The following BMP5 variants were observed in gnomAD, a reference collection of about 807,000 sequenced individuals.
BMP5 encodes bone morphogenetic protein 5.
In BMP5, 23 loss-of-function variants were observed where a neutral mutation model predicts 46.6. The ratio of observed to expected loss-of-function variants is 0.49; its 90% CI spans 0.35 to 0.70. BMP5 has a LOEUF of 0.70. Among genes scored for constraint, BMP5 ranks in the 30% least tolerant of loss-of-function variants. BMP5 has a pLI of 0.00. For synonymous variants in BMP5, 204 were observed against 191.9 expected, an observed-to-expected ratio of 1.06 and a Z score of -0.52; for missense variants, 545 against 565.6, an observed-to-expected ratio of 0.96 and a Z score of 0.37.
At chr6:55,766,884 G>A (rs1159309300) in intron 4 of BMP5, among the ~76,000 whole-genome samples, 4 of 151,868 alleles carry the variant, frequency 2.6e-5, no homozygotes, top group Non-Finnish European at 5.9e-5. Context: ...ATCCATGTCT[G>A]TTAATTCTAG....
At chr6:55,773,750 G>GTCATGTAGC (rs1775101361) in intron 4 of BMP5, among the ~76,000 whole-genome samples, 1 of 151,904 alleles carries the variant, frequency 6.6e-6, no homozygotes, top group African/African-American at 2.4e-5. Context: ...AGCTCAGCAA[G>GTCATGTAGC]TCATGTAGCT....
intron 1 of BMP5, among the ~76,000 whole-genome samples, chr6:55,871,165 C>T (rs1035649368): frequency 2.0e-5 from 3 of 151,658 alleles, no homozygotes; most frequent in Admixed American, 6.6e-5. Flanking sequence ...TTAACTTGTA[C>T]TGGTATTTAA....
intron 4 of BMP5, among the ~76,000 whole-genome samples, chr6:55,768,669 T>C (rs1774975084): frequency 2.0e-5 from 3 of 152,048 alleles, no homozygotes; most frequent in South Asian, 4.1e-4. Context: ...ACTACATGAT[T>C]GGATTATTTT....
intron 4 of BMP5, among the ~76,000 whole-genome samples, chr6:55,762,155 T>A (rs1278546214): frequency 6.6e-6 from 1 of 152,146 alleles, no homozygotes; most frequent in African/African-American, 2.4e-5. Flanking sequence ...TTCATTCTTG[T>A]CTTGTGTTGG....
chr6:55,786,176 T>A (rs887348028), intron 3 of BMP5, among the ~76,000 whole-genome samples: 4 of 151,698 alleles, frequency 2.6e-5, no homozygotes. Flanking sequence ...ATGTAACTGT[T>A]TAATACCAGC....
At chr6:55,806,406 C>T (rs748818943) in intron 2 of BMP5, among the ~76,000 whole-genome samples, 1 of 152,106 alleles carries the variant, frequency 6.6e-6, no homozygotes, top group South Asian at 2.1e-4. Flanking sequence ...TCTGAGGTCT[C>T]TGTTCTTTTT....
intron 2 of BMP5, among the ~76,000 whole-genome samples, chr6:55,795,665 C>T (rs984283275): frequency 6.6e-6 from 1 of 151,930 alleles, no homozygotes; most frequent in Admixed American, 6.6e-5. Flanking sequence ...ACTACATCTT[C>T]GTTTCTTAAC....
chr6:55,850,123 G>T (rs1256198190), intron 1 of BMP5, among the ~76,000 whole-genome samples: 1 of 152,058 alleles, frequency 6.6e-6, no homozygotes, highest in East Asian at 1.9e-4. Flanking sequence ...AATCTCAGGT[G>T]TCATCTACAA....
intron 3 of BMP5, among the ~76,000 whole-genome samples, chr6:55,790,210 A>C (rs926821707): frequency 3.3e-5 from 5 of 152,200 alleles, no homozygotes; most frequent in African/African-American, 1.2e-4. Flanking sequence ...TTAGTTACTA[A>C]TTCCAAAACT....
At chr6:55,859,945 A>G (rs1777490145) in intron 1 of BMP5, among the ~76,000 whole-genome samples, 1 of 152,230 alleles carries the variant, frequency 6.6e-6, no homozygotes, top group African/African-American at 2.4e-5. Context: ...TGCATAGTTC[A>G]AATTTATTTG....
chr6:55,786,475 CT>C (rs540586366), intron 3 of BMP5, among the ~76,000 whole-genome samples: 6 of 150,740 alleles, frequency 4.0e-5, no homozygotes, highest in Non-Finnish European at 5.9e-5. Flanking sequence ...ATTATTCAGG[CT>C]TTTTTTTTCT....
intron 2 of BMP5, among the ~76,000 whole-genome samples, chr6:55,801,324 C>T (rs531730581): frequency 2.0e-5 from 3 of 152,294 alleles, no homozygotes; most frequent in Middle Eastern, 6.8e-3. Context: ...CATGCAGCTC[C>T]TTCAGATCCC....
chr6:55,774,066 C>A lies in BMP5; in HGVS notation c.1010G>T (p.Arg337Ile). ...ATTCTTACCTCCAACACTGGACATT[C>A]TGGAGGAGTCCTGATGAGAGCTGGA... The part of the protein sequence containing the change: ...NKSSSHQDSS[R>I]MSSVGDYNTS... Residue 337 changes from arginine to isoleucine, a missense_variant, in exon 4 of 7, where the codon AGA becomes ATA. Physicochemically the swap from Arg to Ile is moderately conservative, Grantham distance 97. Transcript: ENST00000370830. 1 of 1,612,682 alleles carries A rather than the reference C, an allele frequency of 6.2e-7. No homozygotes were observed. The highest frequency in any genetic ancestry group is 1.1e-5 in the South Asian group (1 of 91,056).
intron 3 of BMP5, among the ~76,000 whole-genome samples, chr6:55,787,582 T>C (rs956222674): frequency 3.3e-5 from 5 of 151,596 alleles, no homozygotes; most frequent in Non-Finnish European, 7.4e-5. Context: ...CAGGTAGGAA[T>C]GAAAAACAAC....
At chr6:55,817,079 T>A (rs1776289217) in intron 2 of BMP5, among the ~76,000 whole-genome samples, 1 of 151,980 alleles carries the variant, frequency 6.6e-6, no homozygotes, top group African/African-American at 2.4e-5. Context: ...AGAATGGCAA[T>A]CATTAAAAAG....
intron 2 of BMP5, among the ~76,000 whole-genome samples, chr6:55,801,649 A>G (rs925845884): frequency 6.6e-6 from 1 of 152,220 alleles, no homozygotes; most frequent in Non-Finnish European, 1.5e-5. Context: ...TTGCAGAAGC[A>G]TTTCCCAGGA....
chr6:55,827,431 A>T (rs1415136889), intron 1 of BMP5, among the ~76,000 whole-genome samples: 1 of 151,788 alleles, frequency 6.6e-6, no homozygotes, highest in Non-Finnish European at 1.5e-5. Context: ...CAGTGGATAG[A>T]TAAAAAATAG....
intron 1 of BMP5, among the ~76,000 whole-genome samples, chr6:55,849,780 T>C (rs540981964): frequency 9.2e-5 from 14 of 152,046 alleles, no homozygotes; most frequent in Admixed American, 2.0e-4. Flanking sequence ...CCTATGAACA[T>C]GTTAAACTTT....
chr6:55,776,367 A>T (rs980961194), intron 3 of BMP5, among the ~76,000 whole-genome samples: 16 of 151,408 alleles, frequency 1.1e-4, no homozygotes, highest in African/African-American at 3.9e-4. Context: ...ACTTCAATAC[A>T]TAAACACTTT....
Sources: allele counts gnomAD v4.1 joint callset (sites outside exome capture counted in the v4.1 genomes callset), GRCh38; gene constraint gnomAD v4.1.1; transcripts MANE v1.5; gene names NCBI Gene and HGNC (gene_info 2026-07-23, HGNC 2026-07-21).